AKAP13: variants seen among roughly 807,000 people sequenced by gnomAD.
AKAP13 encodes A-kinase anchor protein 13.
AKAP13 carries 80 observed loss-of-function variants against 264.5 expected under a neutral mutation model. That is an observed-to-expected ratio of 0.30 (90% CI 0.25 to 0.36). The LOEUF is 0.36. Ranked by LOEUF, AKAP13 falls within the 10% of genes least tolerant of loss-of-function variation. The probability of loss-of-function intolerance (pLI) is 1.00; values close to 1 mark genes in which losing one functional copy is unlikely to be tolerated. For synonymous variants in AKAP13, 1,380 were observed against 1,250.2 expected (o/e 1.10, Z -2.19); for missense variants, 3,712 against 3,435.2 (o/e 1.08, Z -2.01).
At chr15:85,655,835 T>C (rs750153496) in intron 11 of AKAP13, 48 bp downstream of exon 11, 2 of 1,548,096 alleles carry the variant, frequency 1.3e-6, no homozygotes, top group Non-Finnish European at 1.7e-6. Context: ...TGCTTGCTTT[T>C]GAGAAGCTTC....
intron 1 of AKAP13, among the ~76,000 whole-genome samples, 169 bp from the exon 2 acceptor site, chr15:85,485,541 C>T (rs1244316699): frequency 2.0e-5 from 3 of 152,120 alleles, no homozygotes; most frequent in Non-Finnish European, 4.4e-5. Context: ...TTCCTGACCC[C>T]GCTTCCTTCC....
rs2089426821 is a variant in AKAP13, at chr15:85,748,274, C to CAAAG, written c.*3599_*3602dup. On this transcript the variant is annotated 3_prime_UTR_variant, in exon 37 of 37. Coordinates refer to ENST00000394518, the MANE Select transcript of AKAP13 (RefSeq NM_007200.5). ...CTGGTGAATGGGCTTCAAGTGGTCA[C>CAAAG]AAAGAGGGTGGCTGTGAGGTGACCC... The CAAAG allele has an allele frequency of 6.6e-6, 1 of 152,188 alleles. No individual in the cohort carries two copies. The highest frequency in any genetic ancestry group is 2.4e-5 in the African/African-American group (1 of 41,422). The allele number at this position is 152,188 out of a possible 1,614,324, so 9.4% of individuals were successfully genotyped here.
chr15:85,560,281 G>T (rs977626422), intron 5 of AKAP13, among the ~76,000 whole-genome samples: 1 of 152,020 alleles, frequency 6.6e-6, no homozygotes, highest in Non-Finnish European at 1.5e-5. Flanking sequence ...CATGTAGCTA[G>T]GACTACAGGT....
In AKAP13 at chr15:85,745,778, TTC is replaced by T. The variant is rs2089351451; in HGVS notation, c.*1102_*1103del. The stretch of plus-strand genomic sequence containing the variant: ...CGAAGGGTGAAGCCATGTGTAGCAG[TTC>T]CTGCCAGTGCAGATCTGGAGAGGAG... On this transcript the variant is annotated 3_prime_UTR_variant, in exon 37 of 37. Coordinates refer to ENST00000394518, the MANE Select transcript of AKAP13 (RefSeq NM_007200.5). 1 of 152,296 alleles carries T rather than the reference TTC, an allele frequency of 6.6e-6. No homozygotes were observed. Among genetic ancestry groups the T allele is most frequent in the Non-Finnish European group, 1.5e-5 (1 of 68,082 alleles). 9.4% of individuals were successfully genotyped at this position (152,296 alleles called of 1,614,324 possible).
At chr15:85,604,196 C>T (rs1483945278) in intron 8 of AKAP13, among the ~76,000 whole-genome samples, 2 of 151,634 alleles carry the variant, frequency 1.3e-5, no homozygotes, top group African/African-American at 2.4e-5. Context: ...AAATAGGTCA[C>T]TTTAAAAAAA....
chr15:85,652,650 T>TA (rs2042858280), intron 10 of AKAP13, among the ~76,000 whole-genome samples: 1 of 152,196 alleles, frequency 6.6e-6, no homozygotes, highest in Non-Finnish European at 1.5e-5. Flanking sequence ...AACAGGAACT[T>TA]ACTTGGTCCC....
chr15:85,579,837 C>T lies in AKAP13; in HGVS notation c.1769C>T (p.Pro590Leu), dbSNP rs753437582. ...APVDQNSVVI[P>L]AAAKDKISDG... ...GTAGATCAGAATTCTGTGGTGATTC[C>T]AGCTGCTGCAAAAGACAAGATTTCA... is the stretch of plus-strand genomic sequence containing the variant. Residue 590 changes from proline to leucine, a missense_variant, in exon 7 of 37, where the codon CCA becomes CTA. Physicochemically the swap from Pro to Leu is moderately conservative, Grantham distance 98. Coordinates refer to ENST00000394518, the MANE Select transcript of AKAP13 (RefSeq NM_007200.5). 11 of 1,614,052 alleles carry T rather than the reference C, an allele frequency of 6.8e-6. No individual in the cohort carries two copies. In the South Asian group the frequency reaches 8.8e-5, roughly 13 times the overall value.
chr15:85,534,871 T>C (rs1211899095), intron 4 of AKAP13: 1 of 150,034 alleles, frequency 6.7e-6, no homozygotes, highest in Non-Finnish European at 1.5e-5. Flanking sequence ...TGAAACATAA[T>C]GTGTACCTGG....
intron 2 of AKAP13, among the ~76,000 whole-genome samples, chr15:85,490,892 G>T (rs2075703268): frequency 6.6e-6 from 1 of 152,186 alleles, no homozygotes; most frequent in African/African-American, 2.4e-5. Flanking sequence ...GATTGTGCCT[G>T]ACCAGGGGCT....
At chr15:85,468,345 G>A (rs1055841884) in intron 1 of AKAP13, among the ~76,000 whole-genome samples, 1 of 152,124 alleles carries the variant, frequency 6.6e-6, no homozygotes, top group Non-Finnish European at 1.5e-5. Flanking sequence ...ACTGTGTTAT[G>A]ACTTTTCGTG....
chr15:85,602,265 A>G (rs1596671942), intron 8 of AKAP13, among the ~76,000 whole-genome samples: 1 of 148,140 alleles, frequency 6.8e-6, no homozygotes, highest in African/African-American at 2.5e-5. Flanking sequence ...AACCTCTACC[A>G]CCCAGGTTCA....
At chr15:85,722,407 A>G in intron 25 of AKAP13, 60 bp downstream of exon 25, 1 of 1,361,440 alleles carries the variant, frequency 7.3e-7, no homozygotes, top group Non-Finnish European at 1.0e-6. Flanking sequence ...TGTGGCCAGT[A>G]GTACTGGAAG....
At chr15:85,716,434 G>C (rs1204895555) in intron 20 of AKAP13, among the ~76,000 whole-genome samples, 1 of 152,178 alleles carries the variant, frequency 6.6e-6, no homozygotes, top group Non-Finnish European at 1.5e-5. Context: ...TTTGCACTGA[G>C]TTTCTTTTCT....
In AKAP13 at chr15:85,745,818, G is replaced by C. The variant is rs1489271962; in HGVS notation, c.*1141G>C. ...ATCTGGAGAGGAGCTGGCCCGGAAG[G>C]CGTGGTTGTGAAAGCGCCCTTCTTA... On this transcript the variant is annotated 3_prime_UTR_variant, in exon 37 of 37. Transcript: ENST00000394518. The C allele has an allele frequency of 6.6e-6, 1 of 152,296 alleles. No homozygotes were observed. Among genetic ancestry groups the C allele is most frequent in the Non-Finnish European group, 1.5e-5 (1 of 68,106 alleles). 9.4% of individuals were successfully genotyped at this position (152,296 alleles called of 1,614,324 possible).
chr15:85,601,976 C>A (rs952479115), intron 8 of AKAP13, among the ~76,000 whole-genome samples: 14 of 151,880 alleles, frequency 9.2e-5, no homozygotes, highest in African/African-American at 3.1e-4. Context: ...TGGATTCTTA[C>A]ATCTTTCATG....
intron 8 of AKAP13, among the ~76,000 whole-genome samples, chr15:85,587,638 T>C (rs1596616202): frequency 6.6e-6 from 1 of 152,096 alleles, no homozygotes; most frequent in East Asian, 1.9e-4. Context: ...AGCTATTAAC[T>C]TTTATTTTAT....
intron 2 of AKAP13, among the ~76,000 whole-genome samples, chr15:85,513,376 A>G (rs1386803251): frequency 6.6e-6 from 1 of 152,054 alleles, no homozygotes; most frequent in Non-Finnish European, 1.5e-5. Flanking sequence ...AGGTTTTACA[A>G]TTTTTTATTT....
At chr15:85,570,406 C>T (rs1336212434) in intron 5 of AKAP13, among the ~76,000 whole-genome samples, 1 of 151,972 alleles carries the variant, frequency 6.6e-6, no homozygotes, top group South Asian at 2.1e-4. Flanking sequence ...TAGCCGAGAT[C>T]GCGCCACTGC....
intron 8 of AKAP13, among the ~76,000 whole-genome samples, chr15:85,625,916 G>A (rs1467290078): frequency 6.6e-6 from 1 of 152,150 alleles, no homozygotes; most frequent in South Asian, 2.1e-4. Context: ...TCTGAAATAG[G>A]GCAGAAGGAG....
Sources: gnomAD v4.1 joint callset for allele counts (sites outside exome capture counted in the v4.1 genomes callset) on GRCh38, gnomAD v4.1.1 for gene constraint, MANE v1.5 for transcripts, NCBI Gene and HGNC (gene_info 2026-07-23, HGNC 2026-07-21) for gene names.